Variants in RIMS2 observed in about 807,000 individuals in gnomAD.
The protein encoded by RIMS2 is regulating synaptic membrane exocytosis protein 2.
In RIMS2, 59 loss-of-function variants were observed where a neutral mutation model predicts 174.4. The observed-to-expected ratio is 0.34, with a 90% confidence interval of 0.27 to 0.42. The LOEUF is 0.42. RIMS2 is among the 10% of genes least tolerant of loss of function. The probability of loss-of-function intolerance (pLI) is 1.00; values close to 1 mark genes in which losing one functional copy is unlikely to be tolerated. For missense variants in RIMS2, 1,620 were observed against 1,666.3 expected (o/e 0.97, Z 0.48); for synonymous variants, 606 against 572.5 (o/e 1.06, Z -0.84).
chr8:104,155,467 A>G (rs1434770600), intron 19 of RIMS2, among the ~76,000 whole-genome samples: 9 of 99,040 alleles, frequency 9.1e-5, no homozygotes, highest in East Asian at 3.6e-4. Flanking sequence ...AGGCTGGAGT[A>G]CAGTGGCGCG....
intron 15 of RIMS2, among the ~76,000 whole-genome samples, chr8:103,971,486 C>T (rs185920259): frequency 2.0e-5 from 3 of 152,150 alleles, no homozygotes; most frequent in African/African-American, 7.2e-5. Context: ...AATATTTGAC[C>T]TACGCAACTG....
At chr8:104,204,190 T>C in intron 19 of RIMS2, among the ~76,000 whole-genome samples, 1 of 152,364 alleles carries the variant, frequency 6.6e-6, no homozygotes, top group East Asian at 1.9e-4. Flanking sequence ...AAAATATACA[T>C]ATATATGGTG....
chr8:103,785,996 T>C (rs2098439792), intron 3 of RIMS2, among the ~76,000 whole-genome samples: 1 of 152,228 alleles, frequency 6.6e-6, no homozygotes, highest in Non-Finnish European at 1.5e-5. Flanking sequence ...GGTTTAGTCT[T>C]GGGAGAGTGT....
intron 1 of RIMS2, among the ~76,000 whole-genome samples, chr8:103,614,980 AT>A (rs1358135010): frequency 6.6e-6 from 1 of 152,208 alleles, no homozygotes; most frequent in African/African-American, 2.4e-5. Context: ...TTTCTATCTC[AT>A]TACATTTCTC....
At chr8:103,558,218 T>G (rs35414368) in intron 1 of RIMS2, among the ~76,000 whole-genome samples, 17,634 of 152,104 alleles carry the variant, frequency 0.12, 1,359 homozygotes, top group Non-Finnish European at 0.17. Context: ...CTTGTATTTA[T>G]TTTTATTTTA....
intron 1 of RIMS2, among the ~76,000 whole-genome samples, chr8:103,671,268 A>G (rs557589981): frequency 2.3e-4 from 35 of 152,258 alleles, no homozygotes; most frequent in Admixed American, 4.6e-4. Context: ...CTACATTTCA[A>G]GATAAGATTT....
intron 6 of RIMS2, among the ~76,000 whole-genome samples, chr8:103,913,910 A>G (rs548137012): frequency 1.9e-4 from 29 of 152,294 alleles, no homozygotes; most frequent in South Asian, 1.0e-3. Context: ...ACAATTCAAC[A>G]TGAGATTTGC....
At chr8:104,017,437 T>C (rs1007031023) in intron 19 of RIMS2, among the ~76,000 whole-genome samples, 5 of 152,090 alleles carry the variant, frequency 3.3e-5, no homozygotes, top group South Asian at 2.1e-4. Flanking sequence ...CATTTATCTT[T>C]GTTTAGAACC....
At chr8:103,633,192 A>ATTTTTTTTTTTTTTT (rs150376641) in intron 1 of RIMS2, among the ~76,000 whole-genome samples, 1 of 134,928 alleles carries the variant, frequency 7.4e-6, no homozygotes, top group Non-Finnish European at 1.6e-5. Flanking sequence ...ACGCCCGGCT[A>ATTTTTTTTTTTTTTT]TTTTTTTTTT....
At chr8:104,079,963 T>C (rs2097381172) in intron 19 of RIMS2, among the ~76,000 whole-genome samples, 1 of 151,940 alleles carries the variant, frequency 6.6e-6, no homozygotes, top group Non-Finnish European at 1.5e-5. Context: ...AAGCATTTTG[T>C]ATCAATATAA....
intron 14 of RIMS2, among the ~76,000 whole-genome samples, chr8:103,954,808 T>A (rs903439667): frequency 6.6e-6 from 1 of 151,664 alleles, no homozygotes; most frequent in African/African-American, 2.4e-5. Flanking sequence ...AATCAACAAA[T>A]CCAGGAGCTG....
chr8:104,041,911 A>G (rs1206126318), intron 19 of RIMS2, among the ~76,000 whole-genome samples: 1 of 151,516 alleles, frequency 6.6e-6, no homozygotes, highest in African/African-American at 2.4e-5. Flanking sequence ...TATAAACTCA[A>G]ATGAAGTTTA....
At chr8:104,027,547 A>T (rs1300528685) in intron 19 of RIMS2, among the ~76,000 whole-genome samples, 2 of 152,152 alleles carry the variant, frequency 1.3e-5, no homozygotes, top group African/African-American at 4.8e-5. Context: ...TTGTTGTTGA[A>T]AGTAACTTAA....
chr8:103,913,946 C>G (rs1346076195), intron 6 of RIMS2, among the ~76,000 whole-genome samples: 1 of 152,146 alleles, frequency 6.6e-6, no homozygotes, highest in Non-Finnish European at 1.5e-5. Flanking sequence ...CAAACTATAT[C>G]AGACTACTAA....
rs147175579 is a variant in RIMS2, at chr8:104,244,243, G to A, written c.3335-673G>A. Among the ~76,000 whole-genome samples, 242 of 152,208 alleles carry A rather than the reference G, an allele frequency of 1.6e-3. 2 individuals carry two copies. Among genetic ancestry groups the A allele is most frequent in the East Asian group, 1.5e-3 (8 of 5,186 alleles). On this transcript the variant is annotated intron_variant, in intron 19 of 23. Coordinates refer to ENST00000504942, the Ensembl canonical transcript of RIMS2. ...AAAATCCTTGAGGACATGACTACCC[G>A]TGAACAAAAATTAAAAATCTCTTTT...
chr8:103,928,788 A>G (rs959977454), intron 11 of RIMS2, among the ~76,000 whole-genome samples: 3 of 151,442 alleles, frequency 2.0e-5, no homozygotes, highest in Admixed American at 2.0e-4. Flanking sequence ...AACAATTTAA[A>G]TTATACTAAT....
At chr8:103,709,930 T>C (rs1289642702) in intron 2 of RIMS2, among the ~76,000 whole-genome samples, 1 of 152,180 alleles carries the variant, frequency 6.6e-6, no homozygotes, top group Non-Finnish European at 1.5e-5. Flanking sequence ...TAAAGATAGA[T>C]TTTAGCTCAA....
At chr8:104,007,886 CTT>C (rs1425614473) in intron 17 of RIMS2, among the ~76,000 whole-genome samples, 3 of 152,096 alleles carry the variant, frequency 2.0e-5, no homozygotes, top group African/African-American at 7.2e-5. Flanking sequence ...GAGATTTGGA[CTT>C]ATTATGAAGT....
intron 19 of RIMS2, among the ~76,000 whole-genome samples, chr8:104,204,445 G>A (rs559586434): frequency 4.6e-5 from 7 of 152,268 alleles, no homozygotes; most frequent in African/African-American, 1.7e-4. Flanking sequence ...TTAGTGTGTA[G>A]TATTTGCATA....
Sources: gnomAD v4.1 joint callset for allele counts (sites outside exome capture counted in the v4.1 genomes callset) on GRCh38, gnomAD v4.1.1 for gene constraint, MANE v1.5 for transcripts, NCBI Gene and HGNC (gene_info 2026-07-23, HGNC 2026-07-21) for gene names.